Variants in ZNF574 observed in about 807,000 individuals in gnomAD.
ZNF574 encodes zinc finger protein 574.
Under a neutral mutation model 56.6 loss-of-function variants are expected in ZNF574, and 25 were observed. That is an observed-to-expected ratio of 0.44 (90% CI 0.32 to 0.62). The LOEUF is 0.62. Among genes scored for constraint, ZNF574 ranks in the 20% least tolerant of loss-of-function variants. The pLI is 0.04. For synonymous variants in ZNF574, 543 were observed against 492.1 expected, an observed-to-expected ratio of 1.10 and a Z score of -1.37; for missense variants, 1,065 against 1,218.9, an observed-to-expected ratio of 0.87 and a Z score of 1.88.
chr19:42,078,724 C>T lies in ZNF574; in HGVS notation c.118C>T (p.Pro40Ser). ...EVLMHQNSHV[P>S]QQHFELVGVA... ...GCTTATGCACCAAAACTCCCACGTG[C>T]CCCAGCAGCACTTTGAGCTGGTGGG... The change falls in exon 2 of 2, where the codon CCC becomes TCC. Residue 40 changes from proline (P) to serine (S), a missense_variant. Pro to Ser is a moderately conservative substitution (Grantham distance 74). Transcript: ENST00000359044. 1.2e-6 allele frequency: 2 copies of T among 1,614,104 alleles called. No homozygotes were observed. Among genetic ancestry groups the T allele is most frequent in the South Asian group, 1.1e-5 (1 of 91,086 alleles).
chr19:42,078,500 C>G, intron 1 of ZNF574, 87 bp from the exon 2 acceptor site: 1 of 1,176,496 alleles, frequency 8.5e-7, no homozygotes, highest in South Asian at 1.5e-5. Context: ...GGGTGTAGAT[C>G]TAAGGTATTA....
chr19:42,076,968 G>T (rs2076460713), intron 1 of ZNF574, among the ~76,000 whole-genome samples: 1 of 152,180 alleles, frequency 6.6e-6, no homozygotes, highest in East Asian at 1.9e-4. Context: ...TTAAAAGGGT[G>T]TCTGGGTGTC....
In ZNF574 at chr19:42,080,429, A is replaced by G. The variant is rs2076490205; in HGVS notation, c.1823A>G (p.Lys608Arg). Reference sequence around the variant, plus strand: ...CATCACACAGGTGAATACCCCTACAAGTGTCGCGAGTGCCCCCGCTCCTTC... The same window carrying G: ...CATCACACAGGTGAATACCCCTACAGGTGTCGCGAGTGCCCCCGCTCCTTC... ...RYHHTGEYPY[K>R]CRECPRSFLL... is the part of the protein sequence containing the mutation. The change falls in exon 2 of 2, where the codon AAG (lysine) becomes AGG (arginine). Residue 608 changes from lysine to arginine, a missense_variant. By Grantham distance (26) the Lys-to-Arg change is conservative (BLOSUM62 2). Transcript: ENST00000359044. This position sits in a 1 kb window ranked among gnomAD's most constrained non-coding sequence, Gnocchi z 8.5. The G allele has an allele frequency of 1.9e-6, 3 of 1,614,030 alleles. No individual in the cohort carries two copies. Among genetic ancestry groups the G allele is most frequent in the South Asian group, 2.2e-5 (2 of 91,090 alleles).
At chr19:42,073,902 G>C (rs1449867686), upstream of ZNF574, among the ~76,000 whole-genome samples, 2 of 151,350 alleles carry the variant, frequency 1.3e-5, no homozygotes, top group Non-Finnish European at 2.9e-5. Flanking sequence ...GGCTGGGTGG[G>C]GGGGTGGATC....
chr19:42,074,175 G>A (rs2076442130), upstream of ZNF574, among the ~76,000 whole-genome samples: 1 of 149,714 alleles, frequency 6.7e-6, no homozygotes, highest in South Asian at 2.1e-4. Context: ...TTTAAAAATA[G>A]GCCAGGTGCA....
In ZNF574 at chr19:42,079,252, T is replaced by A; in HGVS notation, c.646T>A (p.Cys216Ser). 6.2e-7 allele frequency: 1 copy of A among 1,614,086 alleles called. No individual in the cohort carries two copies. Residue 216 changes from cysteine to serine, a missense_variant, in exon 2 of 2, where the codon TGC becomes AGC. Cys to Ser is a moderately radical substitution (Grantham distance 112). Coordinates refer to ENST00000359044, the MANE Select transcript of ZNF574 (RefSeq NM_022752.6). The surrounding 1 kb of genome is among the most constrained non-coding windows in gnomAD (Gnocchi z 4.3). ...VTEVELLLYK[C>S]SECSQLFQLP... is the part of the protein sequence containing the mutation. ...TGAGGTGGAGCTGCTCCTCTACAAG[T>A]GCTCTGAGTGCTCCCAGCTCTTCCA...
At chr19:42,072,129 T>C (rs1373434546), upstream of ZNF574, among the ~76,000 whole-genome samples, 3 of 151,976 alleles carry the variant, frequency 2.0e-5, no homozygotes, top group South Asian at 2.1e-4. Flanking sequence ...CTTATTCCTA[T>C]ATGATCTGGA....
upstream of ZNF574, among the ~76,000 whole-genome samples, chr19:42,073,614 G>A (rs1895030320): frequency 6.6e-6 from 1 of 151,604 alleles, no homozygotes; most frequent in Non-Finnish European, 1.5e-5. Context: ...TTGAGGCCAG[G>A]AGTTCGAGAC....
chr19:42,081,477 G>A lies in ZNF574; in HGVS notation c.*180G>A. The A allele has an allele frequency of 1.3e-6, 1 of 781,378 alleles. No individual in the cohort carries two copies. The highest frequency in any genetic ancestry group is 2.1e-6 in the Non-Finnish European group (1 of 470,356). The allele number at this position is 781,378 out of a possible 1,614,324, so 48.4% of individuals were successfully genotyped here. A position where few individuals can be genotyped will look rare whatever the true frequency, so the allele number is the denominator to read the frequency against. On this transcript the variant is annotated 3_prime_UTR_variant, in exon 2 of 2. Coordinates refer to ENST00000359044, the MANE Select transcript of ZNF574 (RefSeq NM_022752.6). ...TCTGGGGTCCTTGACACACATAAAG[G>A]TGCCCCCCCACCTTCCACCTCTTAG...
At chr19:42,070,099 C>T (rs1038206042) in intron 1 of ZNF574, among the ~76,000 whole-genome samples, 10 of 152,124 alleles carry the variant, frequency 6.6e-5, no homozygotes, top group African/African-American at 1.9e-4. Context: ...CTCCAGTCCC[C>T]GGCTGGGCCT....
upstream of ZNF574, chr19:42,075,331 G>C (rs191722256): frequency 6.6e-6 from 1 of 152,578 alleles, no homozygotes; most frequent in African/African-American, 2.4e-5. Context: ...GAAGGAGGTG[G>C]AGTGGAGTCC....
intron 1 of ZNF574, among the ~76,000 whole-genome samples, chr19:42,076,855 G>T (rs1424921319): frequency 6.6e-6 from 1 of 152,136 alleles, no homozygotes. Flanking sequence ...TAATGGATGG[G>T]GTTAAATTAA....
rs1205213937 is a variant in ZNF574 at position 42,069,134 on chromosome 19, C to T, written c.250+173C>T. The T allele has an allele frequency of 1.9e-5, 8 of 410,872 alleles. No homozygotes were observed. The East Asian group carries it at 2.9e-4, about 15-fold the overall frequency. 25.5% of individuals were successfully genotyped at this position (410,872 alleles called of 1,614,324 possible). ...GGCCCCTAGTGGGGGAGGGTACTTG[C>T]CAGTCCGGAGAACGGGGAGAATGTG... On this transcript the variant is annotated intron_variant, in intron 1 of 1. Coordinates refer to the ZNF574 transcript ENST00000222339.
chr19:42,069,849 C>T (rs561687992), intron 1 of ZNF574, among the ~76,000 whole-genome samples: 243 of 151,386 alleles, frequency 1.6e-3, no homozygotes, highest in Non-Finnish European at 3.0e-3. Context: ...ATGCTGGGGG[C>T]GGGGAGAGCC....
rs575272619 is a variant in ZNF574 at position 42,080,109 on chromosome 19, C to T, written c.1503C>T (p.Gly501=). 49 of 1,614,020 alleles carry T rather than the reference C, an allele frequency of 3.0e-5. No homozygotes were observed. The highest frequency in any genetic ancestry group is 1.7e-5 in the Non-Finnish European group (20 of 1,180,052). Residue 501 remains glycine (G), a synonymous_variant, in exon 2 of 2, where the codon GGC becomes GGT. Transcript: ENST00000359044. This position sits in a 1 kb window ranked among gnomAD's most constrained non-coding sequence, Gnocchi z 8.5. The part of the protein sequence containing the change: ...LERRHKCSIC[G]KMFKKKSHVR... ...GGCGCCATAAATGCAGCATTTGTGG[C>T]AAGATGTTCAAGAAGAAGTCTCACG... is the stretch of plus-strand genomic sequence containing the variant.
chr19:42,070,546 T>C (rs1265015010), intron 1 of ZNF574: 2 of 147,234 alleles, frequency 1.4e-5, no homozygotes, highest in East Asian at 2.0e-4. Flanking sequence ...TGAAGAGAAA[T>C]GAAGAGAAGA....
chr19:42,073,122 G>A (rs954592271), upstream of ZNF574, among the ~76,000 whole-genome samples: 2 of 152,174 alleles, frequency 1.3e-5, no homozygotes, highest in African/African-American at 2.4e-5. Flanking sequence ...TTCCTGCCTG[G>A]CAGGCAGGTG....
At chr19:42,075,839 T>C (rs1004209382), upstream of ZNF574, among the ~76,000 whole-genome samples, 7 of 152,056 alleles carry the variant, frequency 4.6e-5, no homozygotes, top group African/African-American at 1.4e-4. Context: ...CTCCGCCGCC[T>C]AACGTCATCG....
At position 42,080,133 on chromosome 19, in the gene ZNF574, C is replaced by G. The variant is rs755525700; in HGVS notation, c.1527C>G (p.His509Gln). Reference protein sequence around the residue: ...ICGKMFKKKSHVRNHLRTHTG... With the variant: ...ICGKMFKKKSQVRNHLRTHTG... ...GCAAGATGTTCAAGAAGAAGTCTCA[C>G]GTGCGTAACCACCTGCGCACACACA... Residue 509 changes from histidine to glutamine, a missense_variant, in exon 2 of 2, where the codon CAC becomes CAG. By Grantham distance (24) the His-to-Gln change is conservative (BLOSUM62 0). Coordinates refer to ENST00000359044, the MANE Select transcript of ZNF574 (RefSeq NM_022752.6). The surrounding 1 kb of genome is among the most constrained non-coding windows in gnomAD (Gnocchi z 8.5). The G allele has an allele frequency of 6.2e-7, 1 of 1,614,118 alleles. No homozygotes were observed. Among genetic ancestry groups the G allele is most frequent in the Non-Finnish European group, 8.5e-7 (1 of 1,180,034 alleles).
Sources: allele counts gnomAD v4.1 joint callset (sites outside exome capture counted in the v4.1 genomes callset), GRCh38; gene constraint gnomAD v4.1.1; non-coding constraint Gnocchi (gnomAD v3.1); transcripts MANE v1.5; gene names NCBI Gene and HGNC (gene_info 2026-07-23, HGNC 2026-07-21).